The following GABPB2 variants were observed in gnomAD, a reference collection of about 807,000 sequenced individuals.
GABPB2 encodes the protein GA binding protein transcription factor subunit beta 2.
A neutral mutation model predicts 39.1 loss-of-function variants in GABPB2; 23 were observed. That is an observed-to-expected ratio of 0.59 (90% CI 0.42 to 0.83). The LOEUF is 0.83. GABPB2 is among the 40% of genes least tolerant of loss of function. The pLI, the probability that GABPB2 is intolerant of heterozygous loss-of-function variation, is 0.00. For synonymous variants in GABPB2, 184 were observed against 199.3 expected (o/e 0.92, Z 0.65); for missense variants, 467 against 541.1 (o/e 0.86, Z 1.36).
In GABPB2 at chr1:151,097,897, C is replaced by T. The variant is rs868080729; in HGVS notation, c.517C>T (p.Pro173Ser). 1.9e-6 allele frequency: 3 copies of T among 1,613,970 alleles called. No individual in the cohort carries two copies. Among genetic ancestry groups the T allele is most frequent in the Non-Finnish European group, 2.5e-6 (3 of 1,179,908 alleles). The change falls in exon 5 of 9, where the codon CCT (proline) becomes TCT (serine). Residue 173 changes from proline to serine, a missense_variant. Coordinates refer to ENST00000368918, the MANE Select transcript of GABPB2 (RefSeq NM_144618.3). The stretch of plus-strand genomic sequence containing the variant: ...GAATGTTAATCCAGAGAGAGCCAAC[C>T]CTGTGACTGACCCTGTGAGTATGGC... ...QVNVNPERAN[P>S]VTDPVSMAAP...
In GABPB2 at chr1:151,091,276, C is replaced by T. The variant is rs587644347; in HGVS notation, c.276+703C>T. On this transcript the variant is annotated intron_variant, in intron 3 of 8. Coordinates refer to ENST00000368918, the MANE Select transcript of GABPB2 (RefSeq NM_144618.3). ...CCAATTTTTGTATTTTTAGTAGAGA[C>T]GGGGTTTCACCATGTTGCCCAGGCT... Among the ~76,000 whole-genome samples, 216 of 150,408 alleles carry T rather than the reference C, an allele frequency of 1.4e-3. 1 individual carries two copies. The highest frequency in any genetic ancestry group is 7.0e-3 in the Middle Eastern group (2 of 286).
At chr1:151,080,664 A>T (rs1188063669) in intron 1 of GABPB2, among the ~76,000 whole-genome samples, 1 of 150,622 alleles carries the variant, frequency 6.6e-6, no homozygotes, top group Non-Finnish European at 1.5e-5. Flanking sequence ...CCTGGCCAAG[A>T]TGGTGAAACC....
chr1:151,082,324 G>A (rs868331771), intron 1 of GABPB2, among the ~76,000 whole-genome samples: 6 of 146,840 alleles, frequency 4.1e-5, no homozygotes, highest in Middle Eastern at 4.0e-3. Context: ...TGATCCACCC[G>A]CTTTGGCCTC....
chr1:151,104,402 G>A (rs587721730), intron 6 of GABPB2, among the ~76,000 whole-genome samples: 7 of 152,274 alleles, frequency 4.6e-5, no homozygotes, highest in Non-Finnish European at 8.8e-5. Context: ...CATTTGGGTG[G>A]TAAGAACATT....
In GABPB2 at chr1:151,122,012, G is replaced by C. The variant is rs1681201256; in HGVS notation, c.*3756G>C. Reference sequence around the variant, plus strand: ...TGCATTTTTAATTTGGAAAAAACCTGACAGTTAACATGGTTCTGTTTACCT... The same window carrying C: ...TGCATTTTTAATTTGGAAAAAACCTCACAGTTAACATGGTTCTGTTTACCT... On this transcript the variant is annotated 3_prime_UTR_variant, in exon 9 of 9. Coordinates refer to ENST00000368918, the MANE Select transcript of GABPB2 (RefSeq NM_144618.3). 6.6e-6 allele frequency: 1 copy of C among 152,192 alleles called. No homozygotes were observed. Among genetic ancestry groups the C allele is most frequent in the African/African-American group, 2.4e-5 (1 of 41,442 alleles). 9.4% of individuals were successfully genotyped at this position (152,192 alleles called of 1,614,324 possible).
Position 151,118,335 on chromosome 1 carries a change from A to G in GABPB2, c.*79A>G. 7.5e-7 allele frequency: 1 copy of G among 1,335,358 alleles called. No homozygotes were observed. Among genetic ancestry groups the G allele is most frequent in the Non-Finnish European group, 1.0e-6 (1 of 974,294 alleles). The allele number at this position is 1,335,358 out of a possible 1,614,324, so 82.7% of individuals were successfully genotyped here. A position where few individuals can be genotyped will look rare whatever the true frequency, so the allele number is the denominator to read the frequency against. ...GAAATATACAGAAGACAAACATTGTATAAAAACTAAGAGTGTCTTTAAGAA... is the reference window on the plus strand; with the variant it reads ...GAAATATACAGAAGACAAACATTGTGTAAAAACTAAGAGTGTCTTTAAGAA... On this transcript the variant is annotated 3_prime_UTR_variant, in exon 9 of 9. Transcript: ENST00000368918.
At chr1:151,098,376 C>T (rs1397947744) in intron 5 of GABPB2, among the ~76,000 whole-genome samples, 1 of 151,908 alleles carries the variant, frequency 6.6e-6, no homozygotes, top group Non-Finnish European at 1.5e-5. Flanking sequence ...GTGATGCATA[C>T]CTGCAGTCCC....
At chr1:151,077,985 TAAAG>T (rs945995195) in intron 1 of GABPB2, among the ~76,000 whole-genome samples, 53 of 135,696 alleles carry the variant, frequency 3.9e-4, no homozygotes, top group Non-Finnish European at 7.8e-4. Flanking sequence ...ATAATAAAAA[TAAAG>T]GCCGGGCACG....
At chr1:151,103,757 T>C in intron 6 of GABPB2, 82 bp downstream of exon 6, 1 of 906,344 alleles carries the variant, frequency 1.1e-6, no homozygotes, top group Non-Finnish European at 1.8e-6. Flanking sequence ...TTGCATGAAA[T>C]ATTATTAAAG....
chr1:151,089,305 A>G (rs1558135780), intron 2 of GABPB2, among the ~76,000 whole-genome samples: 1 of 152,220 alleles, frequency 6.6e-6, no homozygotes, highest in Admixed American at 6.6e-5. Flanking sequence ...CCTGGAAAGA[A>G]CAATGTGAAT....
chr1:151,079,619 C>T lies in GABPB2; in HGVS notation c.1-8571C>T, dbSNP rs587624031. On this transcript the variant is annotated intron_variant, in intron 1 of 8. Transcript: ENST00000368918. ...TAAAACACTGCTCAGAAACATTTTG[C>T]GACCGGGCGCAGTGGCTCAGGCCTG... Among the ~76,000 whole-genome samples, 4 of 150,368 alleles carry T rather than the reference C, an allele frequency of 2.7e-5. No homozygotes were observed. In the East Asian group the frequency reaches 6.0e-4, roughly 23 times the overall value.
intron 7 of GABPB2, among the ~76,000 whole-genome samples, chr1:151,113,906 C>T (rs1368009443): frequency 6.6e-6 from 1 of 152,144 alleles, no homozygotes. Flanking sequence ...CAGCATAATT[C>T]CCTTGATACC....
intron 7 of GABPB2, among the ~76,000 whole-genome samples, chr1:151,108,901 A>C (rs1680170714): frequency 6.6e-6 from 1 of 152,194 alleles, no homozygotes. Context: ...GAGGTTGGCC[A>C]GGCACAATGG....
At chr1:151,093,623 A>AAT (rs1020615999) in intron 4 of GABPB2, among the ~76,000 whole-genome samples, 20 of 149,124 alleles carry the variant, frequency 1.3e-4, no homozygotes, top group African/African-American at 4.4e-4. Context: ...TATATTTTTT[A>AAT]ATATATATAT....
rs1681087408 is a variant in GABPB2 at position 151,119,320 on chromosome 1, G to A, written c.*1064G>A. 2 of 151,966 alleles carry A rather than the reference G, an allele frequency of 1.3e-5. No homozygotes were observed. Among genetic ancestry groups the A allele is most frequent in the South Asian group, 2.1e-4 (1 of 4,820 alleles). The allele number at this position is 151,966 out of a possible 1,614,324, so 9.4% of individuals were successfully genotyped here. On this transcript the variant is annotated 3_prime_UTR_variant, in exon 9 of 9. Coordinates refer to ENST00000368918, the MANE Select transcript of GABPB2 (RefSeq NM_144618.3). ...CAAGACTGTATCTCAAAGGAAAAAGGAAACTAGGCCAGGCGTGGTGGCTCA... is the reference window on the plus strand; with the variant it reads ...CAAGACTGTATCTCAAAGGAAAAAGAAAACTAGGCCAGGCGTGGTGGCTCA...
Position 151,120,397 on chromosome 1 carries a change from CT to C in GABPB2, c.*2142del. Reference sequence around the variant, plus strand: ...TGGTGGCACATGCCTGTAATCCCAGCTACTCAGGAGGCTGAGGCAGGAGAAT... The same window carrying C: ...TGGTGGCACATGCCTGTAATCCCAGCACTCAGGAGGCTGAGGCAGGAGAAT... On this transcript the variant is annotated 3_prime_UTR_variant, in exon 9 of 9. Transcript: ENST00000368918. The C allele has an allele frequency of 1.3e-5, 2 of 152,194 alleles. No homozygotes were observed. Among genetic ancestry groups the C allele is most frequent in the Non-Finnish European group, 2.9e-5 (2 of 68,174 alleles). The allele number at this position is 152,194 out of a possible 1,614,324, so 9.4% of individuals were successfully genotyped here.
At chr1:151,106,019 T>C (rs960909394) in intron 6 of GABPB2, among the ~76,000 whole-genome samples, 6 of 151,912 alleles carry the variant, frequency 3.9e-5, no homozygotes, top group Non-Finnish European at 8.8e-5. Flanking sequence ...TGGAGTGCAA[T>C]GGCGTGATCT....
At chr1:151,094,592 G>C (rs1008492703) in intron 4 of GABPB2, among the ~76,000 whole-genome samples, 1 of 148,766 alleles carries the variant, frequency 6.7e-6, no homozygotes, top group East Asian at 2.0e-4. Flanking sequence ...CAGGTGATCC[G>C]CCTGCCTCGG....
At chr1:151,113,579 T>G (rs1680636598) in intron 7 of GABPB2, among the ~76,000 whole-genome samples, 1 of 152,218 alleles carries the variant, frequency 6.6e-6, no homozygotes, top group Admixed American at 6.5e-5. Context: ...AATATAATTT[T>G]TAACTTTTTA....
Sources: allele counts gnomAD v4.1 joint callset (sites outside exome capture counted in the v4.1 genomes callset), GRCh38; gene constraint gnomAD v4.1.1; transcripts MANE v1.5; gene names NCBI Gene and HGNC (gene_info 2026-07-23, HGNC 2026-07-21).